SNX8: variants seen among roughly 807,000 people sequenced by gnomAD.
SNX8 encodes sorting nexin-8.
Under a neutral mutation model 51.6 loss-of-function variants are expected in SNX8, and 25 were observed. The ratio of observed to expected loss-of-function variants is 0.48; its 90% confidence interval spans 0.35 to 0.68. The LOEUF is 0.68. Ranked by LOEUF, SNX8 falls within the 30% of genes least tolerant of loss-of-function variation. SNX8 has a pLI of 0.00. For missense variants in SNX8, 695 were observed against 624.0 expected (o/e 1.11, Z -1.21); for synonymous variants, 324 against 277.0 (o/e 1.17, Z -1.68).
chr7:2,270,834 C>CT lies in SNX8; in HGVS notation c.540+1015_540+1016insA, dbSNP rs1284511464. Among the ~76,000 whole-genome samples, 15 of 152,210 alleles carry CT rather than the reference C, an allele frequency of 9.9e-5. No individual in the cohort carries two copies. In the East Asian group the frequency reaches 2.9e-3, roughly 29 times the overall value. ...AGGGGGTGTCTTCCTGCAGCAGGGA[C>CT]AAGGACAGAGGCCGTCAGGTCCCCA... On this transcript the variant is annotated intron_variant, in intron 4 of 10. Coordinates refer to ENST00000222990, the MANE Select transcript of SNX8 (RefSeq NM_013321.4).
At chr7:2,322,831 A>C (rs1285609957) in intron 1 of SNX8, among the ~76,000 whole-genome samples, 4 of 151,160 alleles carry the variant, frequency 2.6e-5, no homozygotes, top group Non-Finnish European at 5.9e-5. Flanking sequence ...AGCCTGGGCA[A>C]CATGGTGAAA....
At chr7:2,303,617 T>C (rs1796467036) in intron 1 of SNX8, among the ~76,000 whole-genome samples, 1 of 152,156 alleles carries the variant, frequency 6.6e-6, no homozygotes, top group Non-Finnish European at 1.5e-5. Flanking sequence ...CTAAGAAAAA[T>C]TCTTCTGCCT....
At chr7:2,278,744 A>G (rs1368001379) in intron 1 of SNX8, among the ~76,000 whole-genome samples, 1 of 77,796 alleles carries the variant, frequency 1.3e-5, no homozygotes, top group Admixed American at 1.3e-4. Context: ...CACTCACACT[A>G]CGGAGTCGAA....
intron 1 of SNX8, among the ~76,000 whole-genome samples, chr7:2,285,760 G>A (rs939420197): frequency 2.0e-5 from 3 of 152,066 alleles, no homozygotes; most frequent in African/African-American, 7.2e-5. Context: ...AGGACCTCCT[G>A]GGCTCAAGCA....
intron 8 of SNX8, 58 bp downstream of exon 8, chr7:2,257,677 G>A: frequency 1.3e-6 from 2 of 1,580,130 alleles, no homozygotes; most frequent in Admixed American, 1.7e-5. Context: ...GACCCTTGAA[G>A]GATCCTAAGA....
intron 1 of SNX8, among the ~76,000 whole-genome samples, chr7:2,345,374 A>C (rs542173835): frequency 1.3e-5 from 2 of 152,276 alleles, no homozygotes; most frequent in South Asian, 4.1e-4. Flanking sequence ...CAAAGGGGAC[A>C]AATAAAACTG....
chr7:2,318,994 C>T (rs373522029), upstream of SNX8, among the ~76,000 whole-genome samples: 19 of 147,338 alleles, frequency 1.3e-4, no homozygotes, highest in East Asian at 6.1e-4. Flanking sequence ...GGTGATAGAG[C>T]GAGCCTCTTT....
At chr7:2,259,484 G>C (rs1795284444) in intron 7 of SNX8, among the ~76,000 whole-genome samples, 1 of 152,220 alleles carries the variant, frequency 6.6e-6, no homozygotes, top group African/African-American at 2.4e-5. Flanking sequence ...GAAGTGGATG[G>C]AACGAGTTTT....
chr7:2,260,504 T>G (rs1795309698), intron 7 of SNX8, among the ~76,000 whole-genome samples: 1 of 152,158 alleles, frequency 6.6e-6, no homozygotes, highest in Admixed American at 6.5e-5. Context: ...TGCATGCGCC[T>G]TTAACCAAGG....
At chr7:2,311,830 G>C (rs3996368) in intron 1 of SNX8, among the ~76,000 whole-genome samples, 1 of 151,760 alleles carries the variant, frequency 6.6e-6, no homozygotes, top group East Asian at 1.9e-4. Context: ...CCAGCTACTC[G>C]GGAGGCTGAG....
chr7:2,343,711 T>A (rs1778972878), intron 1 of SNX8, among the ~76,000 whole-genome samples: 1 of 151,724 alleles, frequency 6.6e-6, no homozygotes. Context: ...ATCTTCCCAC[T>A]GTAGAAGGTA....
At chr7:2,334,974 T>C (rs1562461622) in intron 1 of SNX8, among the ~76,000 whole-genome samples, 1 of 150,698 alleles carries the variant, frequency 6.6e-6, no homozygotes, top group Non-Finnish European at 1.5e-5. Flanking sequence ...GGTGGATGGA[T>C]GACCTGACGT....
At chr7:2,353,924 A>T (rs1003374430) in intron 1 of SNX8, among the ~76,000 whole-genome samples, 2 of 152,152 alleles carry the variant, frequency 1.3e-5, no homozygotes, top group Non-Finnish European at 2.9e-5. Flanking sequence ...GATGATTAAG[A>T]CATCCCCCAA....
At chr7:2,259,463 C>T (rs967484363) in intron 7 of SNX8, among the ~76,000 whole-genome samples, 1 of 152,196 alleles carries the variant, frequency 6.6e-6, no homozygotes, top group African/African-American at 2.4e-5. Context: ...CAGCAGGAGA[C>T]GGGGCAGGCA....
At chr7:2,334,845 GCAA>G (rs1778795652) in intron 1 of SNX8, among the ~76,000 whole-genome samples, 1 of 127,200 alleles carries the variant, frequency 7.9e-6, no homozygotes, top group Non-Finnish European at 1.6e-5. Flanking sequence ...TCCAGCCTAG[GCAA>G]CAGAGTAAGA....
intron 3 of SNX8, among the ~76,000 whole-genome samples, chr7:2,273,459 G>A (rs1314168253): frequency 6.6e-6 from 1 of 151,350 alleles, no homozygotes. Flanking sequence ...GGTGGCGGGC[G>A]CCTGTAGTCC....
chr7:2,311,271 A>AT (rs1267246982), intron 1 of SNX8, among the ~76,000 whole-genome samples: 1 of 152,250 alleles, frequency 6.6e-6, no homozygotes, highest in Non-Finnish European at 1.5e-5. Flanking sequence ...AATTCACTGT[A>AT]TACCCGTAAG....
intron 1 of SNX8, among the ~76,000 whole-genome samples, chr7:2,338,589 G>A (rs1778871528): frequency 6.6e-6 from 1 of 151,836 alleles, no homozygotes; most frequent in Non-Finnish European, 1.5e-5. Flanking sequence ...ACCCGAGATT[G>A]CACCTCTGCA....
intron 1 of SNX8, among the ~76,000 whole-genome samples, chr7:2,344,063 G>C (rs1040441515): frequency 6.6e-6 from 1 of 151,442 alleles, no homozygotes; most frequent in African/African-American, 2.4e-5. Context: ...AATTAGCCAG[G>C]TGTGGTGCCG....
Sources: allele counts gnomAD v4.1 joint callset (sites outside exome capture counted in the v4.1 genomes callset), GRCh38; gene constraint gnomAD v4.1.1; transcripts MANE v1.5; gene names NCBI Gene and HGNC (gene_info 2026-07-23, HGNC 2026-07-21).